The following EIF3E variants were observed in gnomAD, a reference collection of about 807,000 sequenced individuals.
The protein encoded by EIF3E is eIF-3 p48.
Under a neutral mutation model 59.3 loss-of-function variants are expected in EIF3E, and 25 were observed. The ratio of observed to expected loss-of-function variants is 0.42; its 90% confidence interval spans 0.31 to 0.59. The LOEUF is 0.59. Ranked by LOEUF, EIF3E falls within the 20% of genes least tolerant of loss-of-function variation. The pLI, the probability that EIF3E is intolerant of heterozygous loss-of-function variation, is 0.15. For missense variants in EIF3E, 317 were observed against 534.3 expected, an observed-to-expected ratio of 0.59 and a Z score of 4.01; for synonymous variants, 176 against 170.2, an observed-to-expected ratio of 1.03 and a Z score of -0.26.
In EIF3E at chr8:108,237,201, C is replaced by T. The variant is rs1468943401; in HGVS notation, c.324-998G>A. 7.9e-5 allele frequency among the ~76,000 whole-genome samples: 12 copies of T among 151,994 alleles called. No individual in the cohort carries two copies. In the South Asian group the frequency reaches 2.3e-3, roughly 29 times the overall value. Reference sequence around the variant, plus strand: ...AAGACAAACTAATAATAAAGAAAGACATCAAGGGACAGGGGATATATGTGT... The same window carrying T: ...AAGACAAACTAATAATAAAGAAAGATATCAAGGGACAGGGGATATATGTGT... On this transcript the variant is annotated intron_variant, in intron 3 of 12. Transcript: ENST00000220849.
chr8:108,228,166 GACA>G (rs1815554042), intron 7 of EIF3E, 98 bp downstream of exon 7: 1 of 1,275,928 alleles, frequency 7.8e-7, no homozygotes, highest in African/African-American at 1.5e-5. Context: ...AAAAACAGGT[GACA>G]ACAAATTCAA....
intron 10 of EIF3E, among the ~76,000 whole-genome samples, chr8:108,206,633 G>C (rs1231726698): frequency 6.6e-6 from 1 of 150,756 alleles, no homozygotes; most frequent in Non-Finnish European, 1.5e-5. Flanking sequence ...TGGTCGCACA[G>C]ACACACACAC....
At chr8:108,219,232 T>A (rs35512115) in intron 7 of EIF3E, among the ~76,000 whole-genome samples, 2,249 of 152,366 alleles carry the variant, frequency 0.015, 37 homozygotes, top group South Asian at 0.073. Context: ...CATTGCTCCA[T>A]ATACATCTTA....
At chr8:108,245,152 A>C (rs1177663379) in intron 1 of EIF3E, among the ~76,000 whole-genome samples, 1 of 151,814 alleles carries the variant, frequency 6.6e-6, no homozygotes, top group Non-Finnish European at 1.5e-5. Flanking sequence ...CCAATACAGA[A>C]TGGGCTAGTC....
chr8:108,239,886 T>TA (rs1815803614), intron 3 of EIF3E, 72 bp downstream of exon 3: 1 of 1,221,926 alleles, frequency 8.2e-7, no homozygotes. Context: ...GGATACTGGA[T>TA]AAAGTTTGAA....
At chr8:108,218,979 T>A (rs553547181) in intron 7 of EIF3E, among the ~76,000 whole-genome samples, 31 of 151,960 alleles carry the variant, frequency 2.0e-4, no homozygotes, top group African/African-American at 7.0e-4. Flanking sequence ...AGAGATGGGG[T>A]TTCACCGTGT....
At chr8:108,239,657 G>C (rs908726961) in intron 3 of EIF3E, among the ~76,000 whole-genome samples, 1 of 152,072 alleles carries the variant, frequency 6.6e-6, no homozygotes, top group Non-Finnish European at 1.5e-5. Context: ...CAACCAAAAA[G>C]TATTTCCAGA....
At chr8:108,205,905 C>T (rs912123752) in intron 10 of EIF3E, among the ~76,000 whole-genome samples, 1 of 152,066 alleles carries the variant, frequency 6.6e-6, no homozygotes, top group Non-Finnish European at 1.5e-5. Context: ...TAAACTTTAT[C>T]ATAGTTATGT....
intron 2 of EIF3E, 150 bp from the exon 3 acceptor site, chr8:108,240,225 C>G (rs1815809270): frequency 1.5e-6 from 1 of 686,614 alleles, no homozygotes; most frequent in African/African-American, 1.8e-5. Context: ...GCTACTCAGT[C>G]AGAAATGTCC....
In EIF3E at chr8:108,244,670, C is replaced by T. The variant is rs1184470527; in HGVS notation, c.91-2757G>A. On this transcript the variant is annotated intron_variant, in intron 1 of 12. Coordinates refer to ENST00000220849, the MANE Select transcript of EIF3E (RefSeq NM_001568.3). ...TGCCCTTTCTAATTTTTGTAATACCCTTTTTGATGTCACTTTCTGCCTTAG... is the reference window on the plus strand; with the variant it reads ...TGCCCTTTCTAATTTTTGTAATACCTTTTTTGATGTCACTTTCTGCCTTAG... Among the ~76,000 whole-genome samples, 16 of 152,070 alleles carry T rather than the reference C, an allele frequency of 1.1e-4. No individual in the cohort carries two copies. The East Asian group carries it at 1.4e-3, about 13-fold the overall frequency.
intron 3 of EIF3E, among the ~76,000 whole-genome samples, chr8:108,239,406 T>G (rs1815794843): frequency 6.6e-6 from 1 of 152,188 alleles, no homozygotes; most frequent in African/African-American, 2.4e-5. Flanking sequence ...TTCGCCATGT[T>G]GCCCAGGCTG....
At chr8:108,240,122 T>TTGTGCTACTCATCA in intron 2 of EIF3E, 47 bp from the exon 3 acceptor site, 1 of 1,457,146 alleles carries the variant, frequency 6.9e-7, no homozygotes, top group Non-Finnish European at 9.6e-7. Flanking sequence ...GAATGTTAAA[T>TTGTGCTACTCATCA]TGTGCTACTC....
intron 7 of EIF3E, among the ~76,000 whole-genome samples, chr8:108,223,247 T>C (rs1227027928): frequency 6.6e-6 from 1 of 152,040 alleles, no homozygotes. Flanking sequence ...TAAAAACAGA[T>C]AGGTTTTGGA....
chr8:108,243,787 T>C (rs1459416814), intron 1 of EIF3E, among the ~76,000 whole-genome samples: 1 of 152,236 alleles, frequency 6.6e-6, no homozygotes, highest in Non-Finnish European at 1.5e-5. Context: ...TGAATGAACG[T>C]CATATCTGAT....
chr8:108,210,086 G>C (rs1815178867), intron 10 of EIF3E, among the ~76,000 whole-genome samples: 1 of 150,688 alleles, frequency 6.6e-6, no homozygotes, highest in East Asian at 1.9e-4. Flanking sequence ...AAATCACTTA[G>C]AGGACCTTTT....
At chr8:108,232,700 AG>A (rs772970301) in intron 5 of EIF3E, among the ~76,000 whole-genome samples, 2 of 152,298 alleles carry the variant, frequency 1.3e-5, no homozygotes, top group East Asian at 3.9e-4. Flanking sequence ...AATCCTCAAA[AG>A]GTTCATGTGT....
At chr8:108,242,419 T>A in intron 1 of EIF3E, 1 of 1,289,370 alleles carries the variant, frequency 7.8e-7, no homozygotes, top group Non-Finnish European at 1.0e-6. Context: ...AAGCATAATT[T>A]AACCTATAGT....
At position 108,206,302 on chromosome 8, in the gene EIF3E, G is replaced by A. The variant is rs555307103; in HGVS notation, c.1062-2799C>T. Among the ~76,000 whole-genome samples the A allele has an allele frequency of 4.0e-5, 6 of 151,572 alleles. No homozygotes were observed. The East Asian group carries it at 1.2e-3, about 29-fold the overall frequency. On this transcript the variant is annotated intron_variant, in intron 10 of 12. Transcript: ENST00000220849. ...ATGGCATCACTGCATTCCAGCATGG[G>A]CAACAAAGTGAGACCCCCATGTCAA...
chr8:108,224,483 C>G (rs984490085), intron 7 of EIF3E, among the ~76,000 whole-genome samples: 7 of 151,404 alleles, frequency 4.6e-5, no homozygotes, highest in Non-Finnish European at 8.8e-5. Context: ...AATGATCTGT[C>G]AAGTCAACTG....
Sources: allele counts gnomAD v4.1 joint callset (sites outside exome capture counted in the v4.1 genomes callset), GRCh38; gene constraint gnomAD v4.1.1; transcripts MANE v1.5; gene names NCBI Gene and HGNC (gene_info 2026-07-23, HGNC 2026-07-21).